Variants in PPARG observed in about 807,000 individuals in gnomAD.
The protein encoded by PPARG is peroxisome proliferator activated receptor gamma.
PPARG carries 17 observed loss-of-function variants against 39.2 expected under a neutral mutation model. The ratio of observed to expected loss-of-function variants is 0.43; its 90% CI spans 0.30 to 0.65. PPARG has a LOEUF of 0.65. Ranked by LOEUF, PPARG falls within the 30% of genes least tolerant of loss-of-function variation. The probability of loss-of-function intolerance (pLI) is 0.13; values close to 1 mark genes in which losing one functional copy is unlikely to be tolerated. For missense variants in PPARG, 406 were observed against 585.9 expected, an observed-to-expected ratio of 0.69 and a Z score of 3.17; for synonymous variants, 223 against 215.7, an observed-to-expected ratio of 1.03 and a Z score of -0.30.
intron 7 of PPARG, 138 bp from the exon 8 acceptor site, chr3:12,433,760 C>T: frequency 8.3e-7 from 1 of 1,203,126 alleles, no homozygotes; most frequent in Non-Finnish European, 1.2e-6. Flanking sequence ...CCTTCCTCCC[C>T]ACCTATTTAA....
At chr3:12,313,006 G>A (rs1054792546) in intron 2 of PPARG, among the ~76,000 whole-genome samples, 6 of 152,086 alleles carry the variant, frequency 3.9e-5, no homozygotes, top group Admixed American at 1.3e-4. Flanking sequence ...CCAAAGTTTC[G>A]GGATATCCAC....
intron 7 of PPARG, among the ~76,000 whole-genome samples, chr3:12,429,336 T>C (rs1396044333): frequency 6.6e-6 from 1 of 151,878 alleles, no homozygotes; most frequent in Non-Finnish European, 1.5e-5. Flanking sequence ...ATCAGTTGCA[T>C]GTTAGTCCTT....
intron 2 of PPARG, among the ~76,000 whole-genome samples, chr3:12,326,249 C>T (rs935553030): frequency 1.3e-5 from 2 of 152,148 alleles, no homozygotes; most frequent in Non-Finnish European, 2.9e-5. Context: ...GTTTATTGCA[C>T]TTATAGTTAG....
chr3:12,385,799 G>A (rs2049849100), intron 4 of PPARG, among the ~76,000 whole-genome samples: 1 of 152,030 alleles, frequency 6.6e-6, no homozygotes, highest in Non-Finnish European at 1.5e-5. Context: ...AACTTCCAGG[G>A]GCCAGACTGC....
intron 2 of PPARG, among the ~76,000 whole-genome samples, chr3:12,335,676 A>G (rs2047990865): frequency 6.6e-6 from 1 of 152,236 alleles, no homozygotes. Flanking sequence ...CACCCTCTAC[A>G]AAACAGCTGC....
chr3:12,351,678 A>T (rs756794860), intron 2 of PPARG: 6 of 1,601,292 alleles, frequency 3.7e-6, no homozygotes, highest in Non-Finnish European at 1.7e-6. Flanking sequence ...TCACAAGGTA[A>T]AGTTCCTTCC....
intron 5 of PPARG, among the ~76,000 whole-genome samples, chr3:12,396,313 G>A (rs1003530374): frequency 1.3e-5 from 2 of 151,898 alleles, no homozygotes; most frequent in African/African-American, 4.8e-5. Context: ...GTAAAGATGG[G>A]GCTTCACCAT....
chr3:12,392,812 G>A lies in PPARG; in HGVS notation c.529+60G>A, dbSNP rs1442987237. On this transcript the variant is annotated intron_variant, in intron 5 of 7. Coordinates refer to ENST00000651735, the MANE Select transcript of PPARG (RefSeq NM_138711.6). Reference sequence around the variant, plus strand: ...TCTCATTATAGCTGCCAGACCAGTGGACACTAAAGCCATTGCCAAAAATGT... The same window carrying A: ...TCTCATTATAGCTGCCAGACCAGTGAACACTAAAGCCATTGCCAAAAATGT... The A allele has an allele frequency of 7.5e-6, 12 of 1,602,916 alleles. 1 individual carries two copies. The African/African-American group carries it at 1.1e-4, about 14-fold the overall frequency.
upstream of PPARG, chr3:12,287,882 C>T (rs2046546037): frequency 7.1e-6 from 1 of 141,690 alleles, no homozygotes; most frequent in African/African-American, 2.5e-5. Context: ...CCGGGCCCGG[C>T]TCGGCCCGAC....
intron 2 of PPARG, among the ~76,000 whole-genome samples, chr3:12,352,401 A>G (rs888565879): frequency 2.0e-5 from 3 of 152,200 alleles, no homozygotes; most frequent in African/African-American, 7.2e-5. Flanking sequence ...TCAGAATCAG[A>G]TACCTCCTTT....
intron 5 of PPARG, 30 bp downstream of exon 5, chr3:12,392,782 A>T (rs2050127198): frequency 6.2e-7 from 1 of 1,612,444 alleles, no homozygotes; most frequent in Non-Finnish European, 8.5e-7. Flanking sequence ...CATATACTTT[A>T]TTATTCTCAT....
chr3:12,425,898 C>G (rs1017004036), intron 7 of PPARG, among the ~76,000 whole-genome samples: 2 of 152,176 alleles, frequency 1.3e-5, no homozygotes, highest in Non-Finnish European at 2.9e-5. Context: ...CATTTTCACT[C>G]TGAGAGACCC....
intron 6 of PPARG, among the ~76,000 whole-genome samples, chr3:12,412,299 C>T (rs2050904546): frequency 6.6e-6 from 1 of 152,096 alleles, no homozygotes; most frequent in Non-Finnish European, 1.5e-5. Context: ...ATTAATTACT[C>T]TATTTTCATC....
intron 7 of PPARG, among the ~76,000 whole-genome samples, chr3:12,418,154 A>C (rs1381842805): frequency 6.6e-6 from 1 of 151,706 alleles, no homozygotes; most frequent in African/African-American, 2.4e-5. Context: ...TTTTTTGTAG[A>C]GATGAGGTCT....
intron 5 of PPARG, among the ~76,000 whole-genome samples, chr3:12,394,406 G>A (rs1009980908): frequency 6.6e-6 from 1 of 152,030 alleles, no homozygotes; most frequent in Non-Finnish European, 1.5e-5. Flanking sequence ...ATTGTTTATA[G>A]GCAAATATTA....
At position 12,379,949 on chromosome 3, in the gene PPARG, A is replaced by G. The variant is rs768923581; in HGVS notation, c.220+18A>G. 36 of 1,556,296 alleles carry G rather than the reference A, an allele frequency of 2.3e-5. No homozygotes were observed. Among genetic ancestry groups the G allele is most frequent in the Non-Finnish European group, 2.8e-5 (32 of 1,127,698 alleles). ...GTACCAAAGTATGATGTTTATTTTC[A>G]CTTTTCAGACTACTAGGACTAGAAT... On this transcript the variant is annotated intron_variant, in intron 3 of 7. Transcript: ENST00000651735.
intron 2 of PPARG, chr3:12,372,027 G>T: frequency 1.4e-6 from 1 of 717,518 alleles, no homozygotes; most frequent in East Asian, 2.7e-5. Flanking sequence ...TGAAACAAAT[G>T]AGAAGGGATT....
At chr3:12,390,137 T>C (rs923846067) in intron 4 of PPARG, among the ~76,000 whole-genome samples, 1 of 152,150 alleles carries the variant, frequency 6.6e-6, no homozygotes, top group African/African-American at 2.4e-5. Context: ...AGATTTAAAT[T>C]CAATTTTATA....
At chr3:12,412,241 T>G (rs1575135082) in intron 6 of PPARG, among the ~76,000 whole-genome samples, 1 of 152,304 alleles carries the variant, frequency 6.6e-6, no homozygotes, top group Non-Finnish European at 1.5e-5. Flanking sequence ...ATTGGATTTC[T>G]CAGGAACACT....
Sources: allele counts gnomAD v4.1 joint callset (sites outside exome capture counted in the v4.1 genomes callset), GRCh38; gene constraint gnomAD v4.1.1; transcripts MANE v1.5; gene names NCBI Gene and HGNC (gene_info 2026-07-23, HGNC 2026-07-21).